The following TASL variants were observed in gnomAD, a reference collection of about 807,000 sequenced individuals.
The protein encoded by TASL is TLR adaptor interacting with endolysosomal SLC15A4, also known as TLR adapter interacting with SLC15A4 on the lysosome.
A neutral mutation model predicts 12.9 loss-of-function variants in TASL; 6 were observed. The ratio of observed to expected loss-of-function variants is 0.46; its 90% CI spans 0.25 to 0.92. The LOEUF (loss-of-function observed/expected upper bound fraction) is 0.92. TASL is among the 40% of genes least tolerant of loss of function. The pLI is 0.17. For synonymous variants in TASL, 85 were observed against 79.3 expected (o/e 1.07, Z -0.38); for missense variants, 165 against 212.8 (o/e 0.78, Z 1.40).
intron 2 of TASL, among the ~76,000 whole-genome samples, chrX:30,563,431 C>T (rs776172266): frequency 1.8e-5 from 2 of 112,447 alleles, no homozygotes; most frequent in East Asian, 5.6e-4. Flanking sequence ...AAGCGAAGAG[C>T]CAATCTGACT....
intron 2 of TASL, among the ~76,000 whole-genome samples, chrX:30,571,200 GAA>G (rs1930589629): frequency 1.0e-5 from 1 of 97,330 alleles, no homozygotes; most frequent in Non-Finnish European, 2.0e-5. Context: ...AAGAAAGAAG[GAA>G]AGAAAGAAGG....
At chrX:30,571,266 G>GAAAGAGAAAGAAAGAAAGAAAGAAAGAA (rs1930602231) in intron 2 of TASL, among the ~76,000 whole-genome samples, 2 of 35,947 alleles carry the variant, frequency 5.6e-5, no homozygotes, top group African/African-American at 1.6e-4. Context: ...GAGAAAGAAA[G>GAAAGAGAAAGAAAGAAAGAAAGAAAGAA]AAAGAAAGAA....
chrX:30,560,470 C>G lies in TASL; in HGVS notation c.-1-114G>C, dbSNP rs536631600. 99 of 530,344 alleles carry G rather than the reference C, an allele frequency of 1.9e-4. 3 individuals are homozygous for G. The South Asian group carries it at 2.2e-3, about 12-fold the overall frequency. The allele number at this position is 530,344 out of a possible 1,213,427, so 43.7% of individuals were successfully genotyped here. A position where few individuals can be genotyped will look rare whatever the true frequency, so the allele number is the denominator to read the frequency against. On this transcript the variant is annotated intron_variant, in intron 2 of 2. Coordinates refer to ENST00000378962, the MANE Select transcript of TASL (RefSeq NM_025159.3). ...TGAATAAATTCACTTTATTCATTCA[C>G]CAAGCTCGTACTAATTCTGTGCCTA...
At chrX:30,572,416 G>A (rs1445467440) in intron 2 of TASL, among the ~76,000 whole-genome samples, 1 of 111,928 alleles carries the variant, frequency 8.9e-6, no homozygotes, top group East Asian at 2.8e-4. Context: ...TGTATATTGT[G>A]AAATGGCAAC....
At chrX:30,562,512 A>G (rs1399414117) in intron 2 of TASL, among the ~76,000 whole-genome samples, 1 of 111,675 alleles carries the variant, frequency 9.0e-6, no homozygotes, top group Non-Finnish European at 1.9e-5. Context: ...GGGTGGAAAG[A>G]TCGCAGACAT....
intron 2 of TASL, among the ~76,000 whole-genome samples, chrX:30,563,801 T>G (rs1930461531): frequency 8.9e-6 from 1 of 112,023 alleles, no homozygotes; most frequent in Admixed American, 9.5e-5. Context: ...AAGAGGAGTA[T>G]CCACCTTCTA....
intron 2 of TASL, among the ~76,000 whole-genome samples, chrX:30,565,230 G>A (rs1930481296): frequency 9.0e-6 from 1 of 111,655 alleles, no homozygotes; most frequent in Admixed American, 9.5e-5. Flanking sequence ...AGATGGAAGG[G>A]CTGAAGACTG....
At chrX:30,561,755 G>A (rs566819305) in intron 2 of TASL, among the ~76,000 whole-genome samples, 2 of 104,929 alleles carry the variant, frequency 1.9e-5, no homozygotes, top group South Asian at 8.3e-4. Flanking sequence ...TTTTTTTAAT[G>A]TTTACTATAT....
At chrX:30,571,049 A>C (rs754336597) in intron 2 of TASL, among the ~76,000 whole-genome samples, 2 of 107,470 alleles carry the variant, frequency 1.9e-5, no homozygotes, top group South Asian at 8.2e-4. Context: ...GCGTGGTGGC[A>C]CATGCCTGTA....
Position 30,576,880 on chromosome X carries a change from G to C in TASL, c.-116-14C>G, listed in dbSNP as rs1930713720. ...TCTCACACTGACCTATGCAAGAAAT[G>C]TTATAAAATATCAATATAAATATTC... On this transcript the variant is annotated splice_polypyrimidine_tract_variant and intron_variant, in intron 1 of 2. Transcript: ENST00000378962. The C allele has an allele frequency of 8.9e-6, 1 of 112,131 alleles. No homozygotes were observed. Among genetic ancestry groups the C allele is most frequent in the African/African-American group, 3.2e-5 (1 of 30,871 alleles). The allele number at this position is 112,131 out of a possible 1,213,427, so 9.2% of individuals were successfully genotyped here. A position where few individuals can be genotyped will look rare whatever the true frequency, so the allele number is the denominator to read the frequency against.
intron 2 of TASL, among the ~76,000 whole-genome samples, chrX:30,570,602 G>T (rs1601838551): frequency 9.0e-6 from 1 of 111,039 alleles, no homozygotes; most frequent in East Asian, 2.8e-4. Flanking sequence ...GAGAATGTGG[G>T]ATTAAATTAT....
At position 30,571,300 on chromosome X, in the gene TASL, AAG is replaced by A. The variant is rs777802413; in HGVS notation, c.-2+5450_-2+5451del. ...AAAGAAAGAAAGAAAGAAAGAAAGA[AAG>A]AAAGAAAGAAAGAAAGAAAGAAAGA... On this transcript the variant is annotated intron_variant, in intron 2 of 2. Coordinates refer to ENST00000378962, the MANE Select transcript of TASL (RefSeq NM_025159.3). Among the ~76,000 whole-genome samples the A allele has an allele frequency of 3.4e-3, 328 of 97,188 alleles. 2 individuals carry two copies. The highest frequency in any genetic ancestry group is 4.7e-3 in the Non-Finnish European group (221 of 47,517). The allele number at this position is 97,188 out of a possible 115,157, so 84.4% of individuals were successfully genotyped here. A position where few individuals can be genotyped will look rare whatever the true frequency, so the allele number is the denominator to read the frequency against.
intron 2 of TASL, among the ~76,000 whole-genome samples, chrX:30,573,544 G>A (rs952544585): frequency 1.8e-5 from 2 of 111,920 alleles, no homozygotes; most frequent in African/African-American, 6.5e-5. Context: ...CTAACCATAT[G>A]AACATTTTCC....
rs1930600338 is a variant in TASL, at chrX:30,571,262, G to GAAAGAAAGAAAGAAAGAAAGAAAGAA, written c.-2+5464_-2+5489dup. 7.0e-3 allele frequency among the ~76,000 whole-genome samples: 190 copies of GAAAGAAAGAAAGAAAGAAAGAAAGAA among 27,298 alleles called. 8 individuals carry two copies. Among genetic ancestry groups the GAAAGAAAGAAAGAAAGAAAGAAAGAA allele is most frequent in the South Asian group, 0.015 (7 of 476 alleles). 23.7% of individuals were successfully genotyped at this position (27,298 alleles called of 115,157 possible). A position where few individuals can be genotyped will look rare whatever the true frequency, so the allele number is the denominator to read the frequency against. On this transcript the variant is annotated intron_variant, in intron 2 of 2. Transcript: ENST00000378962. ...AAGGAAAAAGAGAAAGAAAGAGAAA[G>GAAAGAAAGAAAGAAAGAAAGAAAGAA]AAAGAAAGAAAGAAAGAAAGAAAGA... is the stretch of plus-strand genomic sequence containing the variant.
At chrX:30,569,742 G>A (rs149194851) in intron 2 of TASL, among the ~76,000 whole-genome samples, 22,309 of 110,963 alleles carry the variant, frequency 0.2, 2,168 homozygotes, top group East Asian at 0.67. Flanking sequence ...GCCGGGCACG[G>A]TGGCTCACAC....
rs1258628479 is a variant in TASL, at chrX:30,558,867, G to T, written c.*583C>A. The stretch of plus-strand genomic sequence containing the variant: ...TTGTTGCCCAGGCTGGAGTGCAATG[G>T]AGCGACCTCGGCTCACTGCAACCTC... On this transcript the variant is annotated 3_prime_UTR_variant, in exon 3 of 3. Transcript: ENST00000378962. The T allele has an allele frequency of 1.8e-5, 2 of 109,018 alleles. No individual in the cohort carries two copies. The highest frequency in any genetic ancestry group is 5.7e-4 in the East Asian group (2 of 3,486). The allele number at this position is 109,018 out of a possible 1,213,427, so 9.0% of individuals were successfully genotyped here. A position where few individuals can be genotyped will look rare whatever the true frequency, so the allele number is the denominator to read the frequency against.
intron 2 of TASL, among the ~76,000 whole-genome samples, chrX:30,574,985 C>T (rs1930685008): frequency 9.0e-6 from 1 of 111,392 alleles, no homozygotes; most frequent in Non-Finnish European, 1.9e-5. Context: ...CATTGACATT[C>T]CTTAGCACAT....
At chrX:30,562,361 A>T (rs1930437936) in intron 2 of TASL, among the ~76,000 whole-genome samples, 1 of 111,632 alleles carries the variant, frequency 9.0e-6, no homozygotes, top group Admixed American at 9.5e-5. Flanking sequence ...AAATTATCTC[A>T]TGCCCGGCAT....
intron 2 of TASL, among the ~76,000 whole-genome samples, chrX:30,561,659 C>T (rs1930426905): frequency 9.1e-6 from 1 of 110,484 alleles, no homozygotes. Context: ...TAAAATGTTT[C>T]CCTTTTTTAA....
Sources: gnomAD v4.1 joint callset for allele counts (sites outside exome capture counted in the v4.1 genomes callset) on GRCh38, gnomAD v4.1.1 for gene constraint, MANE v1.5 for transcripts, NCBI Gene and HGNC (gene_info 2026-07-23, HGNC 2026-07-21) for gene names.